The following M1AP variants were observed in gnomAD, a reference collection of about 807,000 sequenced individuals.
The protein encoded by M1AP is meiosis 1 associated protein.
In M1AP, 39 loss-of-function variants were observed where a neutral mutation model predicts 51.2. The observed-to-expected ratio is 0.76, with a 90% CI of 0.59 to 1.00. The LOEUF (loss-of-function observed/expected upper bound fraction) is 1.00, where lower values mean the gene tolerates loss of function less well. M1AP is among the 50% of genes least tolerant of loss of function. The pLI, the probability that M1AP is intolerant of heterozygous loss-of-function variation, is 0.00. For missense variants in M1AP, 545 were observed against 641.2 expected, an observed-to-expected ratio of 0.85 and a Z score of 1.62; for synonymous variants, 251 against 249.2, an observed-to-expected ratio of 1.01 and a Z score of -0.07.
Position 74,608,480 on chromosome 2 carries a change from T to G in M1AP, c.427-1257A>C, listed in dbSNP as rs182316336. On this transcript the variant is annotated intron_variant, in intron 3 of 10. Transcript: ENST00000421985. ...GATGAATCATAGTTTATTTATCCAT[T>G]CATCTGCTGAAGGACATCTTGGTTG... Among the ~76,000 whole-genome samples, 149 of 152,364 alleles carry G rather than the reference T, an allele frequency of 9.8e-4. 1 individual carries two copies. Among genetic ancestry groups the G allele is most frequent in the African/African-American group, 3.4e-3 (142 of 41,584 alleles).
At chr2:74,645,853 TAAAA>T (rs1683578880) in intron 1 of M1AP, among the ~76,000 whole-genome samples, 1 of 151,958 alleles carries the variant, frequency 6.6e-6, no homozygotes, top group Admixed American at 6.6e-5. Flanking sequence ...AAAATAAAAA[TAAAA>T]AAATAAAGTA....
In M1AP at chr2:74,569,442, G is replaced by A. The variant is rs941432937; in HGVS notation, c.1074+5996C>T. 4.1e-4 allele frequency among the ~76,000 whole-genome samples: 60 copies of A among 147,606 alleles called. 1 individual carries two copies. The highest frequency in any genetic ancestry group is 1.5e-3 in the African/African-American group (58 of 39,852). On this transcript the variant is annotated intron_variant, in intron 7 of 10. Transcript: ENST00000421985. Reference sequence around the variant, plus strand: ...ATCACCCAGGCTGGAGTGCAGTGGCGCGATCTCGGCTCACTGCAACCTCTG... The same window carrying A: ...ATCACCCAGGCTGGAGTGCAGTGGCACGATCTCGGCTCACTGCAACCTCTG...
chr2:74,626,831 A>AT (rs1682426986), intron 2 of M1AP, among the ~76,000 whole-genome samples: 1 of 152,174 alleles, frequency 6.6e-6, no homozygotes, highest in South Asian at 2.1e-4. Context: ...TCCCACATAT[A>AT]TTTTTTAAAA....
At chr2:74,638,628 A>G (rs184671811) in intron 2 of M1AP, among the ~76,000 whole-genome samples, 2 of 152,320 alleles carry the variant, frequency 1.3e-5, no homozygotes, top group East Asian at 3.9e-4. Context: ...AATTAAGGAC[A>G]TTCAAGCAGC....
intron 5 of M1AP, among the ~76,000 whole-genome samples, chr2:74,577,782 A>G (rs1679164582): frequency 6.6e-6 from 1 of 152,168 alleles, no homozygotes; most frequent in South Asian, 2.1e-4. Flanking sequence ...TCTGTGCCTG[A>G]CTTCTCCATT....
intron 10 of M1AP, 123 bp from the exon 11 acceptor site, chr2:74,558,997 G>C (rs1677710920): frequency 1.1e-6 from 1 of 948,074 alleles, no homozygotes; most frequent in Admixed American, 3.6e-5. Flanking sequence ...ACAGCCTCAA[G>C]GCCGAGGACA....
At chr2:74,642,215 T>C (rs1683337264) in intron 1 of M1AP, among the ~76,000 whole-genome samples, 1 of 151,868 alleles carries the variant, frequency 6.6e-6, no homozygotes, top group African/African-American at 2.4e-5. Flanking sequence ...TAGGATAATC[T>C]CACCCATAAA....
chr2:74,631,627 T>C (rs1682712409), intron 2 of M1AP, among the ~76,000 whole-genome samples: 1 of 152,260 alleles, frequency 6.6e-6, no homozygotes. Context: ...TTATATATGA[T>C]TTAAATAAGT....
intron 8 of M1AP, among the ~76,000 whole-genome samples, chr2:74,560,763 T>C (rs1484287163): frequency 1.3e-5 from 2 of 152,036 alleles, no homozygotes; most frequent in East Asian, 1.9e-4. Flanking sequence ...GCAGTCAGGT[T>C]TTCCGGCCAC....
chr2:74,610,190 T>G (rs1246707337), intron 3 of M1AP, among the ~76,000 whole-genome samples: 1 of 150,320 alleles, frequency 6.7e-6, no homozygotes, highest in Non-Finnish European at 1.5e-5. Context: ...TTTTTTTTTG[T>G]AGAGATGGAG....
At chr2:74,571,964 C>T (rs1323863455) in intron 7 of M1AP, among the ~76,000 whole-genome samples, 4 of 150,986 alleles carry the variant, frequency 2.6e-5, no homozygotes, top group Non-Finnish European at 4.4e-5. Context: ...CCATTGCACT[C>T]CAGGCCTGGG....
chr2:74,578,746 A>C (rs929501910), intron 5 of M1AP, among the ~76,000 whole-genome samples: 20 of 152,196 alleles, frequency 1.3e-4, no homozygotes, highest in African/African-American at 4.6e-4. Context: ...CTAGGCAAAG[A>C]AGCAGCTGGC....
At chr2:74,628,736 G>A (rs559603166) in intron 2 of M1AP, 29 of 580,536 alleles carry the variant, frequency 5.0e-5, no homozygotes, top group East Asian at 3.8e-4. Flanking sequence ...ACAACAACAA[G>A]ATAATCGTCA....
intron 2 of M1AP, chr2:74,619,174 C>T: frequency 4.1e-6 from 1 of 244,042 alleles, no homozygotes; most frequent in Non-Finnish European, 8.5e-6. Flanking sequence ...TCCTACCCAC[C>T]AAAAGTCAAG....
chr2:74,625,915 C>T (rs1682354321), intron 2 of M1AP, among the ~76,000 whole-genome samples: 1 of 152,236 alleles, frequency 6.6e-6, no homozygotes, highest in African/African-American at 2.4e-5. Context: ...TACTGCTCTT[C>T]CAACATGGAG....
chr2:74,619,080 C>T, intron 2 of M1AP: 1 of 408,450 alleles, frequency 2.4e-6, no homozygotes, highest in South Asian at 1.9e-5. Context: ...CAGTCCATTG[C>T]ACCACAGACC....
chr2:74,646,160 C>T (rs2104868208), intron 1 of M1AP, among the ~76,000 whole-genome samples: 1 of 152,262 alleles, frequency 6.6e-6, no homozygotes, highest in Middle Eastern at 3.4e-3. Context: ...ACTGCAGATC[C>T]ATTAGTCAGT....
intron 7 of M1AP, among the ~76,000 whole-genome samples, chr2:74,570,139 T>C: frequency 6.6e-6 from 1 of 152,116 alleles, no homozygotes; most frequent in African/African-American, 2.4e-5. Context: ...GCCATTAAAT[T>C]TGTTAGGGTT....
At chr2:74,608,800 T>C (rs1183597859) in intron 3 of M1AP, among the ~76,000 whole-genome samples, 1 of 152,242 alleles carries the variant, frequency 6.6e-6, no homozygotes, top group Non-Finnish European at 1.5e-5. Context: ...TGGTGGTATT[T>C]CATTGTTGTT....
Sources: allele counts gnomAD v4.1 joint callset (sites outside exome capture counted in the v4.1 genomes callset), GRCh38; gene constraint gnomAD v4.1.1; transcripts MANE v1.5; gene names NCBI Gene and HGNC (gene_info 2026-07-23, HGNC 2026-07-21).